The following DCLK2 variants were observed in gnomAD, a reference collection of about 807,000 sequenced individuals.
DCLK2 encodes serine/threonine-protein kinase DCLK2.
A neutral mutation model predicts 78.4 loss-of-function variants in DCLK2; 31 were observed. That is an observed-to-expected ratio of 0.40 (90% CI 0.30 to 0.53). The LOEUF (loss-of-function observed/expected upper bound fraction) is 0.53, where lower values mean the gene tolerates loss of function less well. DCLK2 is among the 20% of genes least tolerant of loss of function. The probability of loss-of-function intolerance (pLI) is 0.61; values close to 1 mark genes in which losing one functional copy is unlikely to be tolerated. For synonymous variants in DCLK2, 407 were observed against 374.9 expected, an observed-to-expected ratio of 1.09 and a Z score of -0.99; for missense variants, 872 against 973.7, an observed-to-expected ratio of 0.90 and a Z score of 1.39.
At chr4:150,100,631 G>T (rs1730821805) in intron 1 of DCLK2, among the ~76,000 whole-genome samples, 1 of 152,168 alleles carries the variant, frequency 6.6e-6, no homozygotes. Flanking sequence ...GATAAAAATA[G>T]TAAGAGCTTT....
intron 12 of DCLK2, among the ~76,000 whole-genome samples, chr4:150,243,431 A>G (rs1053172709): frequency 4.5e-4 from 68 of 152,064 alleles, no homozygotes; most frequent in Non-Finnish European, 1.2e-4. Context: ...GGTAGATTTT[A>G]TAACCTACTA....
intron 2 of DCLK2, among the ~76,000 whole-genome samples, chr4:150,106,115 A>T (rs1731232792): frequency 6.6e-6 from 1 of 151,512 alleles, no homozygotes; most frequent in Admixed American, 6.6e-5. Flanking sequence ...TGGAAAAATT[A>T]GATTTAATTT....
At chr4:150,126,196 C>A (rs576437236) in intron 2 of DCLK2, among the ~76,000 whole-genome samples, 4 of 103,364 alleles carry the variant, frequency 3.9e-5, no homozygotes, top group Admixed American at 1.6e-4. Flanking sequence ...GGCTAAGATA[C>A]GACAGAAAAT....
At chr4:150,080,273 C>T (rs996200142) in intron 1 of DCLK2, among the ~76,000 whole-genome samples, 1 of 152,198 alleles carries the variant, frequency 6.6e-6, no homozygotes. Flanking sequence ...TTGGATTCAG[C>T]AGTGGGGACT....
At chr4:150,081,306 C>T (rs907494215) in intron 1 of DCLK2, among the ~76,000 whole-genome samples, 1 of 152,170 alleles carries the variant, frequency 6.6e-6, no homozygotes, top group South Asian at 2.1e-4. Context: ...AATAGGAGTA[C>T]TTAGTATAGA....
chr4:150,171,638 C>A (rs924501111), intron 2 of DCLK2, among the ~76,000 whole-genome samples: 2 of 152,186 alleles, frequency 1.3e-5, no homozygotes, highest in Non-Finnish European at 2.9e-5. Context: ...AGTGGGCCTT[C>A]TTGGAGAATA....
Position 150,226,123 on chromosome 4 carries a change from G to A in DCLK2, c.1299+1565G>A, listed in dbSNP as rs377048408. Among the ~76,000 whole-genome samples the A allele has an allele frequency of 3.2e-4, 48 of 152,068 alleles. 1 individual carries two copies. The highest frequency in any genetic ancestry group is 3.4e-3 in the Middle Eastern group (1 of 294). ...GTCTTCATTGGACTTCTACAAAATA[G>A]TGTATTTTTAACAGGAAATGTAAAA... On this transcript the variant is annotated intron_variant, in intron 8 of 15. Transcript: ENST00000296550.
rs1455243939 is a variant in DCLK2, at chr4:150,248,372, AC to A, written c.1947del (p.Trp650GlyfsTer16). 6.2e-7 allele frequency: 1 copy of A among 1,613,692 alleles called. No homozygotes were observed. Among genetic ancestry groups the A allele is most frequent in the Non-Finnish European group, 8.5e-7 (1 of 1,179,968 alleles). On this transcript the variant is annotated frameshift_variant, in exon 14 of 16. Coordinates refer to ENST00000296550, the MANE Select transcript of DCLK2 (RefSeq NM_001040260.4). LOFTEE classifies it high-confidence loss of function. Reference sequence around the variant, plus strand: ...TGTACCGCGGGACAAATCCTGAGTCACCCCTGGGTGTCAGTAAGTACCCACA... The same window carrying A: ...TGTACCGCGGGACAAATCCTGAGTCACCCTGGGTGTCAGTAAGTACCCACA... ...ARCTAGQILS[H>X]PWVSDDASQE...
intron 2 of DCLK2, among the ~76,000 whole-genome samples, chr4:150,190,091 C>G (rs1445012093): frequency 7.8e-6 from 1 of 128,850 alleles, no homozygotes; most frequent in African/African-American, 2.8e-5. Flanking sequence ...ACTCAGGAAA[C>G]TGAGGCAGGA....
At chr4:150,151,894 C>A (rs575488168) in intron 2 of DCLK2, among the ~76,000 whole-genome samples, 5 of 151,000 alleles carry the variant, frequency 3.3e-5, no homozygotes, top group South Asian at 2.1e-4. Context: ...CACTGCACTC[C>A]AGTCTGGGCA....
intron 2 of DCLK2, among the ~76,000 whole-genome samples, chr4:150,108,112 C>A (rs1731400129): frequency 6.6e-6 from 1 of 152,234 alleles, no homozygotes; most frequent in Non-Finnish European, 1.5e-5. Flanking sequence ...GACCAGAAAA[C>A]ATGATCTGTA....
chr4:150,252,823 T>C (rs908034994), intron 15 of DCLK2, among the ~76,000 whole-genome samples: 5 of 152,208 alleles, frequency 3.3e-5, no homozygotes, highest in African/African-American at 1.2e-4. Flanking sequence ...AACCCCATGT[T>C]ACCTACACAA....
intron 2 of DCLK2, among the ~76,000 whole-genome samples, chr4:150,143,944 G>A (rs1437867996): frequency 5.3e-5 from 8 of 151,500 alleles, no homozygotes; most frequent in Non-Finnish European, 7.4e-5. Flanking sequence ...GATATTAGTC[G>A]TTTGCCAGAG....
intron 2 of DCLK2, among the ~76,000 whole-genome samples, chr4:150,123,174 GA>G (rs1366571045): frequency 1.3e-5 from 2 of 152,224 alleles, no homozygotes; most frequent in East Asian, 3.8e-4. Context: ...TTTGGGGGAA[GA>G]AGCCTAGCTT....
chr4:150,227,014 A>G (rs920883369), intron 8 of DCLK2, among the ~76,000 whole-genome samples: 21 of 152,208 alleles, frequency 1.4e-4, no homozygotes, highest in African/African-American at 5.1e-4. Context: ...GCTTGGATAT[A>G]TAGGAACTTT....
chr4:150,134,216 G>A (rs1030987023), intron 2 of DCLK2, among the ~76,000 whole-genome samples: 13 of 150,608 alleles, frequency 8.6e-5, no homozygotes, highest in African/African-American at 2.9e-4. Context: ...AAGTAGCTGG[G>A]ATTACAGGCA....
rs1729070941 is a variant in DCLK2, at chr4:150,079,402, C to T, written c.375C>T (p.Thr125=). ...CCCAGGGTGTCCGCACTATCTACAC[C>T]ATCGACGGCAGCCGGAAGGTCACCA... ...NLPQGVRTIY[T]IDGSRKVTSL... The change falls in exon 1 of 16, where the codon ACC becomes ACT. Residue 125 remains threonine (T), a synonymous_variant. Transcript: ENST00000296550. 2 of 1,562,494 alleles carry T rather than the reference C, an allele frequency of 1.3e-6. No homozygotes were observed. The highest frequency in any genetic ancestry group is 1.2e-5 in the South Asian group (1 of 85,340).
At chr4:150,224,595 A>G (rs749527960) in intron 8 of DCLK2, 37 bp downstream of exon 8, 3 of 1,564,814 alleles carry the variant, frequency 1.9e-6, no homozygotes, top group Admixed American at 1.9e-5. Context: ...GAAAGAAACT[A>G]GAGTAACTTG....
chr4:150,096,671 C>G, intron 1 of DCLK2, among the ~76,000 whole-genome samples: 1 of 152,172 alleles, frequency 6.6e-6, no homozygotes, highest in East Asian at 1.9e-4. Flanking sequence ...CCAGTGCCCT[C>G]AGAAGACACT....
Sources: gnomAD v4.1 joint callset for allele counts (sites outside exome capture counted in the v4.1 genomes callset) on GRCh38, gnomAD v4.1.1 for gene constraint, MANE v1.5 for transcripts, NCBI Gene and HGNC (gene_info 2026-07-23, HGNC 2026-07-21) for gene names.